The following TMEM143 variants were observed in gnomAD, a reference collection of about 807,000 sequenced individuals.
TMEM143 encodes the protein transmembrane protein 143.
A neutral mutation model predicts 40.3 loss-of-function variants in TMEM143; 45 were observed. That is an observed-to-expected ratio of 1.12 (90% CI 0.88 to 1.43). TMEM143 has a LOEUF of 1.43. Ranked by LOEUF, TMEM143 falls within the 40% of genes most tolerant of loss-of-function variation. The pLI is 0.00. For synonymous variants in TMEM143, 299 were observed against 282.7 expected, an observed-to-expected ratio of 1.06 and a Z score of -0.58; for missense variants, 620 against 613.4, an observed-to-expected ratio of 1.01 and a Z score of -0.11.
chr19:48,363,145 C>T, intron 2 of TMEM143, 146 bp downstream of exon 2: 4 of 1,171,718 alleles, frequency 3.4e-6, no homozygotes. Context: ...GCTCATCTCC[C>T]GCCCACTAGG....
At chr19:48,342,438 A>G in intron 6 of TMEM143, 92 bp downstream of exon 6, 1 of 1,446,942 alleles carries the variant, frequency 6.9e-7, no homozygotes, top group Non-Finnish European at 9.2e-7. Context: ...AGCATGACGC[A>G]GGAACAATGC....
chr19:48,347,412 G>A (rs946925899), intron 3 of TMEM143, among the ~76,000 whole-genome samples: 7 of 152,100 alleles, frequency 4.6e-5, no homozygotes, highest in Admixed American at 3.3e-4. Flanking sequence ...AAGGAGACTG[G>A]GATGCAGAAG....
intron 6 of TMEM143, among the ~76,000 whole-genome samples, chr19:48,342,125 A>G (rs1969501888): frequency 9.2e-6 from 1 of 108,460 alleles, no homozygotes; most frequent in African/African-American, 3.6e-5. Context: ...AGAGGGAGGG[A>G]AGGGAAGGAA....
At position 48,334,154 on chromosome 19, in the gene TMEM143, TGC is replaced by T. The variant is rs753559393; in HGVS notation, c.1017_1018del (p.Met341AlafsTer68). Reference sequence around the variant, plus strand: ...GGACGTACTGCGATAGTACAGCATGTGCGCCAGCTCCAACGCCTGCGCGCTGC... The same window carrying T: ...GGACGTACTGCGATAGTACAGCATGTGCCAGCTCCAACGCCTGCGCGCTGC... On this transcript the variant is annotated frameshift_variant, in exon 7 of 8. Coordinates refer to ENST00000293261, the MANE Select transcript of TMEM143 (RefSeq NM_018273.4). LOFTEE classifies it high-confidence loss of function. 34 of 1,608,418 alleles carry T rather than the reference TGC, an allele frequency of 2.1e-5. No individual in the cohort carries two copies. Among genetic ancestry groups the T allele is most frequent in the Non-Finnish European group, 2.8e-5 (33 of 1,177,972 alleles).
Position 48,333,774 on chromosome 19 carries a change from GGGGGCCGTGCCAT to G in TMEM143, c.1165+221_1165+233del, listed in dbSNP as rs1969274318. On this transcript the variant is annotated intron_variant, in intron 7 of 7. Transcript: ENST00000293261. This position sits in a 1 kb window ranked among gnomAD's most constrained non-coding sequence, Gnocchi z 4.1. The stretch of plus-strand genomic sequence containing the variant: ...TCAGGTAGAGGAAAGAATGACAGGA[GGGGGCCGTGCCAT>G]GGAGCCAAGACTCCCAACCAGGCTG... 6.6e-6 allele frequency among the ~76,000 whole-genome samples: 1 copy of G among 152,158 alleles called. No homozygotes were observed. The highest frequency in any genetic ancestry group is 1.5e-5 in the Non-Finnish European group (1 of 68,024).
chr19:48,351,576 C>T (rs1341491598), intron 3 of TMEM143, among the ~76,000 whole-genome samples: 1 of 152,158 alleles, frequency 6.6e-6, no homozygotes, highest in Admixed American at 6.5e-5. Flanking sequence ...AGATCTGGCC[C>T]CAGGTCCCCC....
chr19:48,342,534 G>T lies in TMEM143; in HGVS notation c.971C>A (p.Ser324Tyr). The T allele has an allele frequency of 6.2e-7, 1 of 1,605,562 alleles. No individual in the cohort carries two copies. Among genetic ancestry groups the T allele is most frequent in the Admixed American group, 1.7e-5 (1 of 59,012 alleles). Residue 324 changes from serine to tyrosine, a missense_variant, in exon 6 of 8, where the codon TCC becomes TAC. Coordinates refer to ENST00000293261, the MANE Select transcript of TMEM143 (RefSeq NM_018273.4). Reference sequence around the variant, plus strand: ...GCGTGGCAGGCGCATGCTCACCTTGGAGGCCCGCAGGCCCATGAAGATGGC... The same window carrying T: ...GCGTGGCAGGCGCATGCTCACCTTGTAGGCCCGCAGGCCCATGAAGATGGC... ...LFAIFMGLRA[S>Y]KMFGQRRSAQ...
intron 3 of TMEM143, among the ~76,000 whole-genome samples, chr19:48,350,799 G>A (rs1036320679): frequency 1.4e-4 from 21 of 151,772 alleles, no homozygotes; most frequent in African/African-American, 4.6e-4. Flanking sequence ...GTGCGCGCCT[G>A]TAGTCCCAGC....
At chr19:48,359,288 C>T (rs1434949419) in intron 3 of TMEM143, among the ~76,000 whole-genome samples, 1 of 152,064 alleles carries the variant, frequency 6.6e-6, no homozygotes, top group East Asian at 1.9e-4. Flanking sequence ...CGCACATTCA[C>T]TCTCCTGCAG....
chr19:48,342,055 G>T (rs570956915), intron 6 of TMEM143, among the ~76,000 whole-genome samples: 1 of 146,992 alleles, frequency 6.8e-6, no homozygotes, highest in Non-Finnish European at 1.5e-5. Context: ...GGAGGGGAGC[G>T]GAGGAGAGGG....
chr19:48,347,326 G>A (rs939097920), intron 3 of TMEM143, among the ~76,000 whole-genome samples: 16 of 152,168 alleles, frequency 1.1e-4, no homozygotes, highest in Non-Finnish European at 1.6e-4. Flanking sequence ...AGAGAGGGCC[G>A]GTTCTCCAAG....
intron 6 of TMEM143, among the ~76,000 whole-genome samples, chr19:48,335,028 G>A (rs1969336619): frequency 6.6e-6 from 1 of 152,222 alleles, no homozygotes; most frequent in South Asian, 2.1e-4. Context: ...GTTTGCAGAT[G>A]ATAGGAGTTT....
intron 5 of TMEM143, 144 bp from the exon 6 acceptor site, chr19:48,342,953 A>T: frequency 9.6e-7 from 1 of 1,041,582 alleles, no homozygotes; most frequent in Non-Finnish European, 1.4e-6. Flanking sequence ...GAAACCAGGG[A>T]TCAGCTGTGT....
In TMEM143 at chr19:48,334,420, TTC is replaced by T. The variant is rs1311939581; in HGVS notation, c.976-225_976-224del. Among the ~76,000 whole-genome samples, 3 of 13,830 alleles carry T rather than the reference TTC, an allele frequency of 2.2e-4. No individual in the cohort carries two copies. In the South Asian group the frequency reaches 7.7e-3, roughly 35 times the overall value. The allele number at this position is 13,830 out of a possible 152,430, so 9.1% of individuals were successfully genotyped here. On this transcript the variant is annotated intron_variant, in intron 6 of 7. Transcript: ENST00000293261. ...TTTCTTTTTCTTTCTTTTTCTCTCT[TTC>T]TTTCTTTCTTTCTTTCTTTCTTTCT... is the stretch of plus-strand genomic sequence containing the variant.
At chr19:48,344,838 C>A (rs1334250492) in intron 4 of TMEM143, among the ~76,000 whole-genome samples, 1 of 152,196 alleles carries the variant, frequency 6.6e-6, no homozygotes, top group African/African-American at 2.4e-5. Context: ...TCCCCAGTAG[C>A]TGGGATTACA....
intron 6 of TMEM143, among the ~76,000 whole-genome samples, chr19:48,341,642 C>G (rs1047968219): frequency 6.6e-6 from 1 of 152,190 alleles, no homozygotes; most frequent in Admixed American, 6.5e-5. Flanking sequence ...TTAATCCCCA[C>G]AACACCTCTA....
intron 4 of TMEM143, among the ~76,000 whole-genome samples, chr19:48,344,507 C>T (rs935752313): frequency 3.3e-5 from 5 of 151,840 alleles, no homozygotes; most frequent in Admixed American, 1.3e-4. Flanking sequence ...TAGATGAGTC[C>T]GGAACTCCTG....
chr19:48,344,243 T>C (rs1179067396), intron 4 of TMEM143, among the ~76,000 whole-genome samples: 1 of 145,852 alleles, frequency 6.9e-6, no homozygotes, highest in African/African-American at 2.8e-5. Flanking sequence ...GGGGCTTGGT[T>C]TTTTTTTTCT....
At chr19:48,343,606 A>G (rs1969560783) in intron 4 of TMEM143, among the ~76,000 whole-genome samples, 155 bp from the exon 5 acceptor site, 1 of 152,162 alleles carries the variant, frequency 6.6e-6, no homozygotes, top group Admixed American at 6.6e-5. Context: ...ATGGTTGTCC[A>G]TGTCGTATAC....
Sources: allele counts gnomAD v4.1 joint callset (sites outside exome capture counted in the v4.1 genomes callset), GRCh38; gene constraint gnomAD v4.1.1; non-coding constraint Gnocchi (gnomAD v3.1); transcripts MANE v1.5; gene names NCBI Gene and HGNC (gene_info 2026-07-23, HGNC 2026-07-21).